C1orf52: variants seen among roughly 807,000 people sequenced by gnomAD.
C1orf52 encodes UPF0690 protein C1orf52.
C1orf52 carries 5 observed loss-of-function variants against 17.2 expected under a neutral mutation model. The ratio of observed to expected loss-of-function variants is 0.29; its 90% CI spans 0.15 to 0.61. The LOEUF (loss-of-function observed/expected upper bound fraction) is 0.61. Among genes scored for constraint, C1orf52 ranks in the 20% least tolerant of loss-of-function variants. The probability of loss-of-function intolerance (pLI) is 0.85; values close to 1 mark genes in which losing one functional copy is unlikely to be tolerated. For synonymous variants in C1orf52, 110 were observed against 88.0 expected, an observed-to-expected ratio of 1.25 and a Z score of -1.40; for missense variants, 245 against 234.1, an observed-to-expected ratio of 1.05 and a Z score of -0.30.
In C1orf52 at chr1:85,258,540, C is replaced by CT; in HGVS notation, c.458dup (p.Glu154GlyfsTer7). The CT allele has an allele frequency of 6.2e-7, 1 of 1,614,008 alleles. No homozygotes were observed. Among genetic ancestry groups the CT allele is most frequent in the Non-Finnish European group, 8.5e-7 (1 of 1,179,958 alleles). ...TTTCCTTACCTGATTCCAACGTCTC[C>CT]TCCCCTTCTGGTAGAAGCCTAGCTT... On this transcript the variant is annotated frameshift_variant, in exon 2 of 3. Transcript: ENST00000471115. LOFTEE classifies it high-confidence loss of function.
intron 2 of C1orf52, among the ~76,000 whole-genome samples, chr1:85,254,262 T>C (rs556573388): frequency 2.0e-5 from 3 of 152,286 alleles, no homozygotes; most frequent in Non-Finnish European, 4.4e-5. Flanking sequence ...TGGAATAAAA[T>C]ACAATTCAGA....
At chr1:85,257,123 T>C (rs992630609) in intron 2 of C1orf52, among the ~76,000 whole-genome samples, 1 of 152,230 alleles carries the variant, frequency 6.6e-6, no homozygotes, top group Non-Finnish European at 1.5e-5. Flanking sequence ...TTCTTAAAAA[T>C]AATGGTCCAA....
intron 2 of C1orf52, among the ~76,000 whole-genome samples, chr1:85,257,888 C>T (rs1329988404): frequency 1.3e-5 from 2 of 152,020 alleles, no homozygotes; most frequent in East Asian, 3.9e-4. Flanking sequence ...GGTGGATCAC[C>T]TGAGGTCAGG....
intron 1 of C1orf52, 43 bp from the exon 2 acceptor site, chr1:85,258,765 T>C: frequency 6.6e-7 from 1 of 1,526,410 alleles, no homozygotes; most frequent in Non-Finnish European, 8.8e-7. Context: ...CGAACCGAGG[T>C]TCCTACGATG....
chr1:85,255,287 C>G (rs572440804), intron 2 of C1orf52, among the ~76,000 whole-genome samples: 1 of 152,146 alleles, frequency 6.6e-6, no homozygotes, highest in South Asian at 2.1e-4. Context: ...TGCGGTGGCT[C>G]ACACCTGTAA....
chr1:85,258,087 T>C (rs1043463002), intron 2 of C1orf52, among the ~76,000 whole-genome samples: 2 of 148,322 alleles, frequency 1.3e-5, no homozygotes, highest in African/African-American at 5.0e-5. Flanking sequence ...GCCATTGCAC[T>C]CCAGCCTGGG....
At position 85,253,527 on chromosome 1, in the gene C1orf52, C is replaced by T. The variant is rs188789402; in HGVS notation, c.476-825G>A. Among the ~76,000 whole-genome samples, 857 of 152,176 alleles carry T rather than the reference C, an allele frequency of 5.6e-3. 7 individuals carry two copies. The highest frequency in any genetic ancestry group is 7.1e-3 in the Non-Finnish European group (480 of 68,010). ...CCCATCCCCGCCCTCCCCATCCCCA[C>T]TCCCACGATGGCCAGAACATTTTAA... On this transcript the variant is annotated intron_variant, in intron 2 of 2. Coordinates refer to ENST00000471115, the MANE Select transcript of C1orf52 (RefSeq NM_198077.4).
chr1:85,259,013 CA>C (rs932290409), intron 1 of C1orf52: 4 of 1,346,652 alleles, frequency 3.0e-6, no homozygotes, highest in Non-Finnish European at 3.8e-6. Context: ...GTCTTGGAGG[CA>C]GCACCGCAGG....
chr1:85,255,038 T>C (rs1445801600), intron 2 of C1orf52, among the ~76,000 whole-genome samples: 2 of 152,230 alleles, frequency 1.3e-5, no homozygotes, highest in African/African-American at 4.8e-5. Flanking sequence ...TTTTACTCGG[T>C]CTCATATAGT....
At chr1:85,259,197 G>C in intron 1 of C1orf52, 161 bp downstream of exon 1, 1 of 1,150,630 alleles carries the variant, frequency 8.7e-7, no homozygotes, top group South Asian at 1.6e-5. Context: ...GGCGGGGAGA[G>C]GGGGCCAGGT....
Position 85,252,500 on chromosome 1 carries a change from A to G in C1orf52, c.*129T>C. ...TTCTATAGTGGAAAGTTCTTGAGGC[A>G]ATACTTATTAGTTCATTAACGTATG... On this transcript the variant is annotated 3_prime_UTR_variant, in exon 3 of 3. Transcript: ENST00000471115. The G allele has an allele frequency of 1.4e-6, 1 of 709,950 alleles. No individual in the cohort carries two copies. The highest frequency in any genetic ancestry group is 2.4e-6 in the Non-Finnish European group (1 of 417,080). The allele number at this position is 709,950 out of a possible 1,614,324, so 44.0% of individuals were successfully genotyped here. A position where few individuals can be genotyped will look rare whatever the true frequency, so the allele number is the denominator to read the frequency against.
chr1:85,258,908 T>C (rs1660017697), intron 1 of C1orf52, 186 bp from the exon 2 acceptor site: 4 of 1,426,208 alleles, frequency 2.8e-6, no homozygotes, highest in Non-Finnish European at 2.7e-6. Context: ...GTTCCCTATA[T>C]GAATAAAGCT....
intron 2 of C1orf52, among the ~76,000 whole-genome samples, chr1:85,254,135 A>G (rs899394755): frequency 3.3e-5 from 5 of 152,156 alleles, no homozygotes; most frequent in Non-Finnish European, 2.9e-5. Context: ...CATAATCAGA[A>G]TATCTCATTT....
Position 85,258,698 on chromosome 1 carries a change from T to C in C1orf52, c.301A>G (p.Lys101Glu), listed in dbSNP as rs1660011685. 6.2e-7 allele frequency: 1 copy of C among 1,603,012 alleles called. No homozygotes were observed. Among genetic ancestry groups the C allele is most frequent in the Non-Finnish European group, 8.5e-7 (1 of 1,175,896 alleles). ...TCAGGAGGTGGTACATAATTTGACT[T>C]CCATATTTTGAATTCCTTTGGAGGC... ...EEPPKEFKIW[K>E]SNYVPPPETY... The change falls in exon 2 of 3, where the codon AAG becomes GAG. Residue 101 changes from lysine to glutamate, a missense_variant. By Grantham distance (56) the Lys-to-Glu change is moderately conservative (BLOSUM62 1). Coordinates refer to ENST00000471115, the MANE Select transcript of C1orf52 (RefSeq NM_198077.4).
Position 85,252,495 on chromosome 1 carries a change from G to A in C1orf52, c.*134C>T. ...AAGAATTCTATAGTGGAAAGTTCTT[G>A]AGGCAATACTTATTAGTTCATTAAC... On this transcript the variant is annotated 3_prime_UTR_variant, in exon 3 of 3. Coordinates refer to ENST00000471115, the MANE Select transcript of C1orf52 (RefSeq NM_198077.4). 1 of 677,640 alleles carries A rather than the reference G, an allele frequency of 1.5e-6. No homozygotes were observed. Among genetic ancestry groups the A allele is most frequent in the Non-Finnish European group, 2.5e-6 (1 of 395,710 alleles). The allele number at this position is 677,640 out of a possible 1,614,324, so 42.0% of individuals were successfully genotyped here. A position where few individuals can be genotyped will look rare whatever the true frequency, so the allele number is the denominator to read the frequency against.
At chr1:85,257,657 T>C (rs779428910) in intron 2 of C1orf52, among the ~76,000 whole-genome samples, 4 of 152,214 alleles carry the variant, frequency 2.6e-5, no homozygotes, top group Admixed American at 1.3e-4. Context: ...AGGCAAAGAT[T>C]ACTGTGACAG....
rs1659801748 is a variant in C1orf52, at chr1:85,251,545, T to C, written c.*1084A>G. 1 of 152,192 alleles carries C rather than the reference T, an allele frequency of 6.6e-6. No individual in the cohort carries two copies. The highest frequency in any genetic ancestry group is 1.5e-5 in the Non-Finnish European group (1 of 68,038). The allele number at this position is 152,192 out of a possible 1,614,324, so 9.4% of individuals were successfully genotyped here. On this transcript the variant is annotated 3_prime_UTR_variant, in exon 3 of 3. Transcript: ENST00000471115. ...TTTTATTATTACTATACGCAAAGCATTAAAATAGAAGCTGGGTAGAGAAAA... is the reference window on the plus strand; with the variant it reads ...TTTTATTATTACTATACGCAAAGCACTAAAATAGAAGCTGGGTAGAGAAAA...
rs775272839 is a variant in C1orf52, at chr1:85,258,677, G to A, written c.322C>T (p.Pro108Ser). 5 of 1,593,946 alleles carry A rather than the reference G, an allele frequency of 3.1e-6. No homozygotes were observed. The highest frequency in any genetic ancestry group is 4.3e-6 in the Non-Finnish European group (5 of 1,170,940). The change falls in exon 2 of 3, where the codon CCT (proline) becomes TCT (serine). Residue 108 changes from proline to serine, a missense_variant. Coordinates refer to ENST00000471115, the MANE Select transcript of C1orf52 (RefSeq NM_198077.4). The part of the protein sequence containing the change: ...KIWKSNYVPP[P>S]ETYTTEKKPP... ...TTCTTCTCAGTGGTGTAGGTCTCAGGAGGTGGTACATAATTTGACTTCCAT... is the reference window on the plus strand; with the variant it reads ...TTCTTCTCAGTGGTGTAGGTCTCAGAAGGTGGTACATAATTTGACTTCCAT...
chr1:85,258,130 G>GA (rs57958537), intron 2 of C1orf52, among the ~76,000 whole-genome samples: 23 of 138,890 alleles, frequency 1.7e-4, no homozygotes, highest in East Asian at 8.4e-4. Context: ...CAAAAAAAAA[G>GA]AAAAAAAAAA....
Sources: gnomAD v4.1 joint callset for allele counts (sites outside exome capture counted in the v4.1 genomes callset) on GRCh38, gnomAD v4.1.1 for gene constraint, MANE v1.5 for transcripts, NCBI Gene and HGNC (gene_info 2026-07-23, HGNC 2026-07-21) for gene names.